SLK: variants seen among roughly 807,000 people sequenced by gnomAD.
SLK encodes STE20 like kinase.
SLK carries 67 observed loss-of-function variants against 147.7 expected under a neutral mutation model. That is an observed-to-expected ratio of 0.45 (90% confidence interval 0.37 to 0.56). SLK has a LOEUF of 0.56. Ranked by LOEUF, SLK falls within the 20% of genes least tolerant of loss-of-function variation. The pLI is 0.00. For synonymous variants in SLK, 441 were observed against 475.0 expected (o/e 0.93, Z 0.93); for missense variants, 1,136 against 1,438.8 (o/e 0.79, Z 3.41).
chr10:103,973,121 A>C (rs1843815878), intron 1 of SLK, among the ~76,000 whole-genome samples: 1 of 152,218 alleles, frequency 6.6e-6, no homozygotes, highest in Non-Finnish European at 1.5e-5. Context: ...TCATGAAGAT[A>C]ATCTTCTATA....
At chr10:103,996,649 C>T (rs1034464316) in intron 4 of SLK, among the ~76,000 whole-genome samples, 3 of 152,154 alleles carry the variant, frequency 2.0e-5, no homozygotes, top group Non-Finnish European at 4.4e-5. Context: ...CCACCCGCCT[C>T]AGCCTCCCAA....
chr10:103,994,047 A>G (rs537195599), intron 4 of SLK, among the ~76,000 whole-genome samples: 1 of 152,078 alleles, frequency 6.6e-6, no homozygotes, highest in African/African-American at 2.4e-5. Flanking sequence ...GGCATGCACC[A>G]CCACGCCTGG....
chr10:103,988,821 A>G (rs1455817356), intron 1 of SLK, among the ~76,000 whole-genome samples: 2 of 152,048 alleles, frequency 1.3e-5, no homozygotes, highest in African/African-American at 2.4e-5. Flanking sequence ...GATATATGTT[A>G]TCTTAATTCT....
Position 103,993,144 on chromosome 10 carries a change from C to T in SLK, c.514+11C>T. On this transcript the variant is annotated intron_variant, in intron 4 of 18. Coordinates refer to ENST00000369755, the MANE Select transcript of SLK (RefSeq NM_014720.4). Reference sequence around the variant, plus strand: ...GAGATATCAAATTGGGTAAGTTATTCACTTAAATAAAACATTAGAATTTTT... The same window carrying T: ...GAGATATCAAATTGGGTAAGTTATTTACTTAAATAAAACATTAGAATTTTT... The T allele has an allele frequency of 6.3e-7, 1 of 1,576,212 alleles. No individual in the cohort carries two copies. The highest frequency in any genetic ancestry group is 1.2e-5 in the South Asian group (1 of 85,092).
intron 10 of SLK, 62 bp from the exon 11 acceptor site, chr10:104,005,850 A>T: frequency 6.4e-7 from 1 of 1,552,420 alleles, no homozygotes; most frequent in Non-Finnish European, 8.7e-7. Context: ...CTTTAAAAAA[A>T]AACGTATTTC....
chr10:104,012,089 G>C (rs1298963187), intron 13 of SLK, among the ~76,000 whole-genome samples: 1 of 151,986 alleles, frequency 6.6e-6, no homozygotes, highest in East Asian at 1.9e-4. Flanking sequence ...TTTTTAATTT[G>C]TTGTTTTATG....
chr10:103,969,807 A>G (rs1027904277), intron 1 of SLK, among the ~76,000 whole-genome samples: 2 of 152,222 alleles, frequency 1.3e-5, no homozygotes, highest in African/African-American at 4.8e-5. Flanking sequence ...TTTCTTAGCC[A>G]TAATATTAAC....
Position 104,026,968 on chromosome 10 carries a change from C to T in SLK, c.*1248C>T, listed in dbSNP as rs772904078. On this transcript the variant is annotated 3_prime_UTR_variant, in exon 19 of 19. Coordinates refer to ENST00000369755, the MANE Select transcript of SLK (RefSeq NM_014720.4). ...CCCTTATGAGGCTTAGAATTTCAAC[C>T]ACGTGTCAGGTCAGACAGTATTATA... 4.6e-5 allele frequency: 7 copies of T among 152,096 alleles called. No homozygotes were observed. The highest frequency in any genetic ancestry group is 8.8e-5 in the Non-Finnish European group (6 of 68,010). The allele number at this position is 152,096 out of a possible 1,614,324, so 9.4% of individuals were successfully genotyped here.
chr10:104,028,860 C>A lies in SLK; in HGVS notation c.*3140C>A, dbSNP rs1364057159. 2 of 152,140 alleles carry A rather than the reference C, an allele frequency of 1.3e-5. No individual in the cohort carries two copies. The highest frequency in any genetic ancestry group is 4.8e-5 in the African/African-American group (2 of 41,424). 9.4% of individuals were successfully genotyped at this position (152,140 alleles called of 1,614,324 possible). On this transcript the variant is annotated 3_prime_UTR_variant, in exon 19 of 19. Coordinates refer to ENST00000369755, the MANE Select transcript of SLK (RefSeq NM_014720.4). ...AGAACTGAAGTGAAAGAAGAGAGTT[C>A]CAGTTCTAATAGTCTTTTGATTAAC...
intron 1 of SLK, among the ~76,000 whole-genome samples, chr10:103,989,760 GC>G (rs1387264009): frequency 6.6e-6 from 1 of 152,096 alleles, no homozygotes; most frequent in African/African-American, 2.4e-5. Flanking sequence ...GAGCCACCGC[GC>G]CCGGCCAACA....
At chr10:103,974,824 C>CTCTTT (rs1215374355) in intron 1 of SLK, 2 of 35,168 alleles carry the variant, frequency 5.7e-5, no homozygotes, top group Non-Finnish European at 5.5e-5. Flanking sequence ...CTAATTTTTT[C>CTCTTT]TATTTTTTTT....
intron 12 of SLK, among the ~76,000 whole-genome samples, chr10:104,009,690 G>A (rs1260294121): frequency 1.3e-5 from 2 of 152,022 alleles, no homozygotes; most frequent in African/African-American, 4.8e-5. Flanking sequence ...AAATATAAAA[G>A]TCTCAGTTAT....
chr10:104,012,196 C>T (rs1004232141), intron 13 of SLK, among the ~76,000 whole-genome samples: 1 of 151,772 alleles, frequency 6.6e-6, no homozygotes, highest in Non-Finnish European at 1.5e-5. Flanking sequence ...ACATGGGCTG[C>T]CATTAAAAAA....
Position 104,020,511 on chromosome 10 carries a change from G to T in SLK, c.3345G>T (p.Arg1115Ser), listed in dbSNP as rs55914158. 6.2e-7 allele frequency: 1 copy of T among 1,613,360 alleles called. No individual in the cohort carries two copies. Among genetic ancestry groups the T allele is most frequent in the African/African-American group, 1.3e-5 (1 of 74,986 alleles). The stretch of plus-strand genomic sequence containing the variant: ...AGTTTGCTGCACAAGAAGAAAAGAG[G>T]CAGAAAAATGAGAGAATGGCTCAGC... Reference protein sequence around the residue: ...IKQFAAQEEKRQKNERMAQHQ... With the variant: ...IKQFAAQEEKSQKNERMAQHQ... Residue 1115 changes from arginine to serine, a missense_variant, in exon 17 of 19, where the codon AGG becomes AGT. Transcript: ENST00000369755.
chr10:103,974,359 C>T (rs1303178328), intron 1 of SLK, among the ~76,000 whole-genome samples: 5 of 151,528 alleles, frequency 3.3e-5, no homozygotes, highest in Non-Finnish European at 7.4e-5. Context: ...CGCTTGTAAT[C>T]CCAGCACTTT....
chr10:103,972,410 T>C (rs1272573014), intron 1 of SLK, among the ~76,000 whole-genome samples: 1 of 152,186 alleles, frequency 6.6e-6, no homozygotes, highest in Non-Finnish European at 1.5e-5. Context: ...CGGTGGCTCA[T>C]GCCTGTATTC....
intron 1 of SLK, among the ~76,000 whole-genome samples, chr10:103,986,387 C>T (rs1844013048): frequency 6.6e-6 from 1 of 152,114 alleles, no homozygotes; most frequent in African/African-American, 2.4e-5. Flanking sequence ...CAACCTAGAT[C>T]CCTCACATAC....
intron 12 of SLK, among the ~76,000 whole-genome samples, chr10:104,009,102 T>C (rs1447835226): frequency 6.9e-6 from 1 of 145,146 alleles, no homozygotes; most frequent in Non-Finnish European, 1.5e-5. Flanking sequence ...TATTAGCATC[T>C]TTTTTTGTCC....
At chr10:104,011,070 C>T (rs1356610786) in intron 13 of SLK, among the ~76,000 whole-genome samples, 162 bp downstream of exon 13, 1 of 152,186 alleles carries the variant, frequency 6.6e-6, no homozygotes, top group East Asian at 1.9e-4. Flanking sequence ...TACTAAATTC[C>T]TACTAATGGT....
Sources: allele counts gnomAD v4.1 joint callset (sites outside exome capture counted in the v4.1 genomes callset), GRCh38; gene constraint gnomAD v4.1.1; transcripts MANE v1.5; gene names NCBI Gene and HGNC (gene_info 2026-07-23, HGNC 2026-07-21).